The following KCNQ5 variants were observed in gnomAD, a reference collection of about 807,000 sequenced individuals.
The protein encoded by KCNQ5 is potassium voltage-gated channel subfamily Q member 5.
In KCNQ5, 30 loss-of-function variants were observed where a neutral mutation model predicts 98.2. The observed-to-expected ratio is 0.31, with a 90% CI of 0.23 to 0.41. The LOEUF is 0.41. Ranked by LOEUF, KCNQ5 falls within the 10% of genes least tolerant of loss-of-function variation. The pLI is 1.00. For synonymous variants in KCNQ5, 458 were observed against 449.4 expected (o/e 1.02, Z -0.24); for missense variants, 835 against 1,182.5 (o/e 0.71, Z 4.31).
chr6:73,036,631 A>G (rs931567205), intron 2 of KCNQ5, among the ~76,000 whole-genome samples: 6 of 152,158 alleles, frequency 3.9e-5, no homozygotes, highest in East Asian at 1.9e-4. Flanking sequence ...CTTGCACTCA[A>G]TATAATTCCC....
At position 72,914,841 on chromosome 6, in the gene KCNQ5, G is replaced by A. The variant is rs557227130; in HGVS notation, c.399-89067G>A. 7.8e-4 allele frequency among the ~76,000 whole-genome samples: 118 copies of A among 151,916 alleles called. 1 individual carries two copies. The highest frequency in any genetic ancestry group is 4.0e-3 in the South Asian group (19 of 4,790). On this transcript the variant is annotated intron_variant, in intron 1 of 13. Coordinates refer to ENST00000370398, the MANE Select transcript of KCNQ5 (RefSeq NM_019842.4). Reference sequence around the variant, plus strand: ...CAAGCCAGGGGGCTCGGGCAGTAATGTATTATACCTGGGGTGGAGGTGGGA... The same window carrying A: ...CAAGCCAGGGGGCTCGGGCAGTAATATATTATACCTGGGGTGGAGGTGGGA...
At chr6:72,858,960 C>A (rs144531229) in intron 1 of KCNQ5, among the ~76,000 whole-genome samples, 1 of 152,202 alleles carries the variant, frequency 6.6e-6, no homozygotes, top group Non-Finnish European at 1.5e-5. Flanking sequence ...TGGATGAAAT[C>A]TACACAGAAG....
intron 1 of KCNQ5, among the ~76,000 whole-genome samples, chr6:72,721,149 C>T (rs1582168557): frequency 1.3e-5 from 2 of 152,264 alleles, no homozygotes; most frequent in East Asian, 3.9e-4. Context: ...ATAACATCAA[C>T]ATGTAGGGTT....
intron 1 of KCNQ5, among the ~76,000 whole-genome samples, chr6:72,733,459 A>C (rs1426415928): frequency 6.6e-4 from 101 of 152,226 alleles, no homozygotes; most frequent in Non-Finnish European, 1.5e-5. Flanking sequence ...ACCAAGGAAG[A>C]TAAATGTAAA....
At chr6:73,154,600 A>C (rs1346908640) in intron 10 of KCNQ5, among the ~76,000 whole-genome samples, 2 of 152,150 alleles carry the variant, frequency 1.3e-5, no homozygotes, top group African/African-American at 4.8e-5. Context: ...TCTATTATTT[A>C]CTAATTATAA....
intron 1 of KCNQ5, among the ~76,000 whole-genome samples, chr6:72,861,511 GA>G (rs1239445131): frequency 6.6e-6 from 1 of 152,104 alleles, no homozygotes; most frequent in African/African-American, 2.4e-5. Flanking sequence ...AAGGTCTCCA[GA>G]AAAAAGTTTC....
At chr6:72,866,685 C>A (rs1421620303) in intron 1 of KCNQ5, among the ~76,000 whole-genome samples, 1 of 152,172 alleles carries the variant, frequency 6.6e-6, no homozygotes, top group Non-Finnish European at 1.5e-5. Context: ...AAGTCAAACC[C>A]TTTAGTTCAT....
chr6:72,816,664 A>G (rs757021463), intron 1 of KCNQ5, among the ~76,000 whole-genome samples: 1 of 152,230 alleles, frequency 6.6e-6, no homozygotes, highest in African/African-American at 2.4e-5. Context: ...TGGTCTGCCA[A>G]ACAGCTCAGA....
rs7741367 is a variant in KCNQ5 at position 73,036,606 on chromosome 6, T to A, written c.490-5330T>A. On this transcript the variant is annotated intron_variant, in intron 2 of 13. Coordinates refer to ENST00000370398, the MANE Select transcript of KCNQ5 (RefSeq NM_019842.4). ...ATGGAATAATACAGTGTATAACTTTTTAAGACTGACTTTTCTTGCACTCAA... is the reference window on the plus strand; with the variant it reads ...ATGGAATAATACAGTGTATAACTTTATAAGACTGACTTTTCTTGCACTCAA... Among the ~76,000 whole-genome samples the A allele has an allele frequency of 5.9e-3, 898 of 152,258 alleles. 6 individuals carry two copies. The highest frequency in any genetic ancestry group is 0.021 in the African/African-American group (857 of 41,544).
intron 1 of KCNQ5, among the ~76,000 whole-genome samples, chr6:72,719,093 A>G (rs1383770176): frequency 6.6e-6 from 1 of 152,220 alleles, no homozygotes; most frequent in Admixed American, 6.5e-5. Flanking sequence ...GCATAAATAG[A>G]TAAGATATAA....
intron 1 of KCNQ5, among the ~76,000 whole-genome samples, chr6:72,801,029 G>A (rs1271886477): frequency 6.6e-6 from 1 of 152,026 alleles, no homozygotes; most frequent in African/African-American, 2.4e-5. Context: ...ATTTGCTGAG[G>A]AGAGCTTTAC....
At chr6:72,705,748 A>T in intron 1 of KCNQ5, among the ~76,000 whole-genome samples, 2 of 152,088 alleles carry the variant, frequency 1.3e-5, no homozygotes, top group East Asian at 3.8e-4. Context: ...AATTTTTAAC[A>T]CAAAAGAGCT....
At chr6:72,764,596 C>T (rs1772469111) in intron 1 of KCNQ5, among the ~76,000 whole-genome samples, 1 of 151,870 alleles carries the variant, frequency 6.6e-6, no homozygotes, top group African/African-American at 2.4e-5. Flanking sequence ...AAGCATTTAT[C>T]CATTGGGTTG....
At chr6:72,864,164 C>T (rs1200230530) in intron 1 of KCNQ5, among the ~76,000 whole-genome samples, 1 of 152,164 alleles carries the variant, frequency 6.6e-6, no homozygotes, top group African/African-American at 2.4e-5. Flanking sequence ...TATTCCTATG[C>T]CCTTTCCCTT....
chr6:72,707,135 C>T (rs1219916398), intron 1 of KCNQ5, among the ~76,000 whole-genome samples: 1 of 152,170 alleles, frequency 6.6e-6, no homozygotes, highest in Non-Finnish European at 1.5e-5. Context: ...TTCATAAATG[C>T]TTTTGGCTAT....
intron 1 of KCNQ5, among the ~76,000 whole-genome samples, chr6:72,957,395 T>C (rs1221975137): frequency 3.9e-5 from 6 of 152,038 alleles, no homozygotes. Context: ...GGTCTTGAAC[T>C]CTTGAGCTCA....
chr6:72,864,563 A>T (rs1581922060), intron 1 of KCNQ5, among the ~76,000 whole-genome samples: 1 of 152,300 alleles, frequency 6.6e-6, no homozygotes, highest in East Asian at 1.9e-4. Context: ...TTAAATATTA[A>T]AATGTTAGCA....
chr6:72,718,771 T>A (rs1164365039), intron 1 of KCNQ5, among the ~76,000 whole-genome samples: 2 of 152,156 alleles, frequency 1.3e-5, no homozygotes, highest in South Asian at 2.1e-4. Context: ...TATGGTCTTA[T>A]TTGAAATACT....
intron 2 of KCNQ5, among the ~76,000 whole-genome samples, chr6:73,041,582 A>G (rs1771705282): frequency 6.6e-6 from 1 of 152,292 alleles, no homozygotes; most frequent in Admixed American, 6.5e-5. Context: ...TCGCTATTTT[A>G]TTTCAGATAT....
Sources: allele counts gnomAD v4.1 joint callset (sites outside exome capture counted in the v4.1 genomes callset), GRCh38; gene constraint gnomAD v4.1.1; transcripts MANE v1.5; gene names NCBI Gene and HGNC (gene_info 2026-07-23, HGNC 2026-07-21).